FAS: variants seen among roughly 807,000 people sequenced by gnomAD.
FAS encodes tumor necrosis factor receptor superfamily member 6.
Under a neutral mutation model 33.2 loss-of-function variants are expected in FAS, and 5 were observed. The ratio of observed to expected loss-of-function variants is 0.15; its 90% CI spans 0.08 to 0.32. The LOEUF is 0.32. FAS is among the 10% of genes least tolerant of loss of function. The pLI is 1.00. For missense variants in FAS, 339 were observed against 386.0 expected (o/e 0.88, Z 1.02); for synonymous variants, 131 against 130.7 (o/e 1.00, Z -0.01).
chr10:89,000,912 T>TG (rs9658720), intron 1 of FAS, among the ~76,000 whole-genome samples: 75,360 of 151,672 alleles, frequency 0.5, 19,360 homozygotes, highest in Non-Finnish European at 0.56. Context: ...GCCGTCATAG[T>TG]GTGCATTCCT....
intron 2 of FAS, among the ~76,000 whole-genome samples, chr10:88,976,813 T>A (rs1158483211): frequency 6.6e-6 from 1 of 152,214 alleles, no homozygotes; most frequent in Non-Finnish European, 1.5e-5. Flanking sequence ...AGGTGCTGGG[T>A]AGAGTTGAAG....
chr10:88,991,092 G>A (rs1033642430), intron 1 of FAS, 186 bp downstream of exon 1: 1 of 708,146 alleles, frequency 1.4e-6, no homozygotes, highest in South Asian at 1.7e-5. Context: ...CTTCCCTCAG[G>A]CCCGGGTGCT....
intron 1 of FAS, chr10:89,002,715 C>T (rs1035316224): frequency 5.4e-6 from 2 of 372,528 alleles, no homozygotes; most frequent in African/African-American, 2.1e-5. Context: ...GATAAAGAAA[C>T]TGAGACTTGG....
chr10:88,988,236 T>C (rs1418047218), upstream of FAS, among the ~76,000 whole-genome samples: 1 of 152,116 alleles, frequency 6.6e-6, no homozygotes, highest in Non-Finnish European at 1.5e-5. Context: ...GGAAGTACTA[T>C]TACCAGAAGG....
intron 2 of FAS, among the ~76,000 whole-genome samples, chr10:89,005,698 C>A (rs1848187786): frequency 6.6e-6 from 1 of 152,124 alleles, no homozygotes; most frequent in African/African-American, 2.4e-5. Context: ...AGTGCAGTGG[C>A]ATGATCTCAG....
rs553517661 is a variant in FAS, at chr10:89,015,010, C to T, written c.*560C>T. On this transcript the variant is annotated 3_prime_UTR_variant, in exon 9 of 9. Transcript: ENST00000652046. ...GCAGAATTTAAATAAGGCTCTACCTCAAAGACCTTTGCACAGTTTATTGGT... is the reference window on the plus strand; with the variant it reads ...GCAGAATTTAAATAAGGCTCTACCTTAAAGACCTTTGCACAGTTTATTGGT... 9 of 532,908 alleles carry T rather than the reference C, an allele frequency of 1.7e-5. No homozygotes were observed. Among genetic ancestry groups the T allele is most frequent in the South Asian group, 1.4e-4 (9 of 65,056 alleles). 33.0% of individuals were successfully genotyped at this position (532,908 alleles called of 1,614,324 possible).
At chr10:88,993,451 A>C (rs1847391789) in intron 1 of FAS, among the ~76,000 whole-genome samples, 1 of 152,118 alleles carries the variant, frequency 6.6e-6, no homozygotes, top group African/African-American at 2.4e-5. Context: ...AGCCTCTAAG[A>C]GTCCATGGAT....
intron 1 of FAS, among the ~76,000 whole-genome samples, chr10:88,964,407 AG>A (rs1478782191): frequency 6.6e-6 from 1 of 152,212 alleles, no homozygotes; most frequent in Non-Finnish European, 1.5e-5. Flanking sequence ...ACAAGGGGAA[AG>A]GATCTTGAGT....
At chr10:88,974,419 A>C (rs1404019899) in intron 2 of FAS, 1 of 152,232 alleles carries the variant, frequency 6.6e-6, no homozygotes, top group Admixed American at 6.5e-5. Context: ...CAATTAGTTG[A>C]AAAATATGAA....
intron 2 of FAS, among the ~76,000 whole-genome samples, chr10:88,981,638 A>G (rs1846713892): frequency 6.6e-6 from 1 of 152,190 alleles, no homozygotes; most frequent in Admixed American, 6.5e-5. Context: ...TGGGGTGGGC[A>G]GAGTGGGAGA....
chr10:88,989,193 A>G (rs904975997), upstream of FAS, among the ~76,000 whole-genome samples: 30 of 152,178 alleles, frequency 2.0e-4, no homozygotes, highest in Non-Finnish European at 3.4e-4. Context: ...GAAGATCCAC[A>G]TATGTGAGTT....
chr10:88,964,770 T>C (rs1347729439), intron 1 of FAS, among the ~76,000 whole-genome samples: 2 of 152,162 alleles, frequency 1.3e-5, no homozygotes, highest in Non-Finnish European at 2.9e-5. Context: ...TTGTACCAAC[T>C]GGTCTCCTTC....
At chr10:88,986,704 A>C (rs1846899161), upstream of FAS, among the ~76,000 whole-genome samples, 1 of 151,822 alleles carries the variant, frequency 6.6e-6, no homozygotes, top group South Asian at 2.1e-4. Context: ...TGCAGGAAGG[A>C]AGTGGTACAG....
At chr10:89,001,170 G>A (rs1306316964) in intron 1 of FAS, among the ~76,000 whole-genome samples, 1 of 151,834 alleles carries the variant, frequency 6.6e-6, no homozygotes, top group East Asian at 1.9e-4. Flanking sequence ...GTGTGATGCT[G>A]TGCTCAAAAT....
Position 89,014,514 on chromosome 10 carries a change from C to A in FAS, c.*64C>A. ...TAGTGTTTGAAAAGATTCTTAATAG[C>A]TGGCTGTAAATACTGCTTGGTTTTT... On this transcript the variant is annotated 3_prime_UTR_variant, in exon 9 of 9. Coordinates refer to ENST00000652046, the MANE Select transcript of FAS (RefSeq NM_000043.6). 2.0e-6 allele frequency: 3 copies of A among 1,479,666 alleles called. No individual in the cohort carries two copies. Among genetic ancestry groups the A allele is most frequent in the Non-Finnish European group, 2.8e-6 (3 of 1,079,454 alleles). The allele number at this position is 1,479,666 out of a possible 1,614,324, so 91.7% of individuals were successfully genotyped here.
intron 2 of FAS, among the ~76,000 whole-genome samples, chr10:88,976,595 T>C (rs1846569750): frequency 6.6e-6 from 1 of 152,222 alleles, no homozygotes; most frequent in Non-Finnish European, 1.5e-5. Flanking sequence ...TGAAAATGAC[T>C]AACATATCTC....
chr10:88,983,498 T>C (rs1208923214), upstream of FAS, among the ~76,000 whole-genome samples: 1 of 151,648 alleles, frequency 6.6e-6, no homozygotes, highest in Non-Finnish European at 1.5e-5. Flanking sequence ...TGTTACCTAG[T>C]AACTGTGTGA....
At chr10:88,990,780 C>A, upstream of FAS, 1 of 1,531,682 alleles carries the variant, frequency 6.5e-7, no homozygotes, top group Non-Finnish European at 9.0e-7. The surrounding 1 kb of genome is among the most constrained non-coding windows in gnomAD (Gnocchi z 4.9). Context: ...CCAGCCCTGG[C>A]TGCCCAGGCG....
intron 2 of FAS, among the ~76,000 whole-genome samples, chr10:88,976,351 T>C (rs1277978800): frequency 2.0e-5 from 3 of 152,214 alleles, no homozygotes; most frequent in African/African-American, 7.2e-5. Flanking sequence ...ATAATTAATA[T>C]ATTGATATTA....
Sources: gnomAD v4.1 joint callset for allele counts (sites outside exome capture counted in the v4.1 genomes callset) on GRCh38, gnomAD v4.1.1 for gene constraint, Gnocchi (gnomAD v3.1) non-coding constraint, MANE v1.5 for transcripts, NCBI Gene and HGNC (gene_info 2026-07-23, HGNC 2026-07-21) for gene names.